Variants in AGMO observed in about 807,000 individuals in gnomAD.
The protein encoded by AGMO is glyceryl-ether monooxygenase.
A neutral mutation model predicts 60.2 loss-of-function variants in AGMO; 75 were observed. The observed-to-expected ratio is 1.25, with a 90% confidence interval of 1.03 to 1.51. AGMO has a LOEUF of 1.51. AGMO is among the 40% of genes most tolerant of loss of function. The pLI is 0.00. For missense variants in AGMO, 763 were observed against 525.5 expected (o/e 1.45, Z -4.42); for synonymous variants, 261 against 177.1 (o/e 1.47, Z -3.76).
intron 9 of AGMO, among the ~76,000 whole-genome samples, chr7:15,386,588 G>A (rs1783924654): frequency 6.6e-6 from 1 of 152,124 alleles, no homozygotes; most frequent in African/African-American, 2.4e-5. Context: ...GTAACTGAAT[G>A]AGAAAATGTC....
rs139764484 is a variant in AGMO at position 15,500,734 on chromosome 7, G to A, written c.409+44038C>T. On this transcript the variant is annotated intron_variant, in intron 3 of 12. Coordinates refer to ENST00000342526, the MANE Select transcript of AGMO (RefSeq NM_001004320.2). ...TTATATCTTGTCTTCTGATAGCTTT[G>A]GGGTTTGTTTGCTCTTGTTTCTCTA... is the stretch of plus-strand genomic sequence containing the variant. Among the ~76,000 whole-genome samples, 447 of 151,804 alleles carry A rather than the reference G, an allele frequency of 2.9e-3. 2 individuals carry two copies. Among genetic ancestry groups the A allele is most frequent in the African/African-American group, 0.01 (429 of 41,468 alleles).
chr7:15,424,977 T>C (rs1480146945), intron 4 of AGMO, among the ~76,000 whole-genome samples: 3 of 152,166 alleles, frequency 2.0e-5, no homozygotes, highest in Non-Finnish European at 4.4e-5. Context: ...GGGAGTACAA[T>C]GTAATAAAAA....
chr7:15,155,419 C>CTTTTTTTTTTTTTTTTTTTTTT, the AGMO span, among the ~76,000 whole-genome samples: 16 of 63,916 alleles, frequency 2.5e-4, no homozygotes, highest in Admixed American at 4.9e-4. Context: ...TACAGAATTT[C>CTTTTTTTTTTTTTTTTTTTTTT]TTTTTTTTTT....
At chr7:15,559,443 G>A (rs965130821) in intron 2 of AGMO, among the ~76,000 whole-genome samples, 13 of 152,016 alleles carry the variant, frequency 8.6e-5, no homozygotes, top group African/African-American at 2.9e-4. Context: ...AGAGTGTGAT[G>A]TCTATGCTTA....
At chr7:15,383,412 T>C (rs1783772119) in intron 10 of AGMO, among the ~76,000 whole-genome samples, 1 of 152,086 alleles carries the variant, frequency 6.6e-6, no homozygotes. Flanking sequence ...TTCTGCCATA[T>C]ACAATAAAAA....
the AGMO span, among the ~76,000 whole-genome samples, chr7:15,131,373 G>T: frequency 8.5e-5 from 13 of 152,188 alleles, no homozygotes; most frequent in East Asian, 1.7e-3. Context: ...CTCCTGGGCA[G>T]CACAGCTCCA....
At chr7:15,167,397 CTT>C in the AGMO span, among the ~76,000 whole-genome samples, 1 of 152,188 alleles carries the variant, frequency 6.6e-6, no homozygotes, top group South Asian at 2.1e-4. Context: ...TATGAAGAGA[CTT>C]ATATTCAATA....
intron 12 of AGMO, among the ~76,000 whole-genome samples, chr7:15,247,618 C>T (rs1458246112): frequency 2.6e-5 from 4 of 151,976 alleles, no homozygotes; most frequent in Admixed American, 6.6e-5. Flanking sequence ...AGTTCCATTT[C>T]AATTGCAATA....
intron 4 of AGMO, among the ~76,000 whole-genome samples, chr7:15,424,765 A>G (rs922242147): frequency 6.6e-6 from 1 of 152,142 alleles, no homozygotes; most frequent in Non-Finnish European, 1.5e-5. Flanking sequence ...AAGTTCTGAG[A>G]AAAGTTTTGT....
intron 12 of AGMO, among the ~76,000 whole-genome samples, chr7:15,260,376 A>G (rs1783233815): frequency 6.6e-6 from 1 of 152,254 alleles, no homozygotes; most frequent in South Asian, 2.1e-4. Context: ...TTCTTTTATC[A>G]GACAAAAGAA....
chr7:15,267,951 C>G (rs1281986891), intron 12 of AGMO, among the ~76,000 whole-genome samples: 1 of 151,878 alleles, frequency 6.6e-6, no homozygotes, highest in Non-Finnish European at 1.5e-5. Context: ...TTAAATTTTA[C>G]TCTAAATTAA....
At chr7:15,172,272 A>G in the AGMO span, among the ~76,000 whole-genome samples, 1 of 152,214 alleles carries the variant, frequency 6.6e-6, no homozygotes, top group African/African-American at 2.4e-5. Context: ...TCCATAGAGG[A>G]TACGTCCCCA....
the AGMO span, among the ~76,000 whole-genome samples, chr7:15,180,604 G>A: frequency 6.6e-6 from 1 of 151,914 alleles, no homozygotes; most frequent in South Asian, 2.1e-4. Context: ...GCTCTTCTGA[G>A]CCTTCACTAT....
chr7:15,366,283 C>A, intron 10 of AGMO, 61 bp from the exon 11 acceptor site: 2 of 1,319,976 alleles, frequency 1.5e-6, no homozygotes, highest in Non-Finnish European at 2.1e-6. Context: ...GGTACACGAA[C>A]GGTTAAAGCT....
chr7:15,255,861 T>TA (rs1369918743), intron 12 of AGMO, among the ~76,000 whole-genome samples: 2 of 152,168 alleles, frequency 1.3e-5, no homozygotes. Flanking sequence ...TGTGGTTTTG[T>TA]AAAGCACCAT....
chr7:15,358,924 T>TA (rs1235265324), intron 12 of AGMO, among the ~76,000 whole-genome samples: 1 of 152,192 alleles, frequency 6.6e-6, no homozygotes, highest in Non-Finnish European at 1.5e-5. Flanking sequence ...GAAGCGATTT[T>TA]AACAATGGCA....
chr7:15,227,941 G>A (rs1042463972), intron 12 of AGMO, among the ~76,000 whole-genome samples: 5 of 152,040 alleles, frequency 3.3e-5, no homozygotes, highest in Non-Finnish European at 5.9e-5. Flanking sequence ...TTGGCTTCTC[G>A]TGTGTTGGGC....
the AGMO span, among the ~76,000 whole-genome samples, chr7:15,169,116 G>A: frequency 6.6e-6 from 1 of 152,204 alleles, no homozygotes; most frequent in Non-Finnish European, 1.5e-5. Context: ...TGAGCAGGAG[G>A]ACTGCTGACC....
the AGMO span, among the ~76,000 whole-genome samples, chr7:15,122,820 C>T: frequency 6.6e-6 from 1 of 151,966 alleles, no homozygotes; most frequent in Non-Finnish European, 1.5e-5. Context: ...ATTTGTTTTC[C>T]TCACTTCTCT....
Sources: allele counts gnomAD v4.1 joint callset (sites outside exome capture counted in the v4.1 genomes callset), GRCh38; gene constraint gnomAD v4.1.1; transcripts MANE v1.5; gene names NCBI Gene and HGNC (gene_info 2026-07-23, HGNC 2026-07-21).